GALNT5: variants seen among roughly 807,000 people sequenced by gnomAD.
GALNT5 encodes UDP-GalNAc:polypeptide N-acetylgalactosaminyltransferase 5.
In GALNT5, 72 loss-of-function variants were observed where a neutral mutation model predicts 85.4. The observed-to-expected ratio is 0.84, with a 90% CI of 0.70 to 1.03. GALNT5 has a LOEUF of 1.03. GALNT5 is among the 50% of genes least tolerant of loss of function. The pLI, the probability that GALNT5 is intolerant of heterozygous loss-of-function variation, is 0.00. For missense variants in GALNT5, 1,137 were observed against 1,135.5 expected (o/e 1.00, Z -0.02); for synonymous variants, 404 against 397.0 (o/e 1.02, Z -0.21).
chr2:157,260,758 G>C (rs949029894), intron 1 of GALNT5, among the ~76,000 whole-genome samples: 1 of 152,206 alleles, frequency 6.6e-6, no homozygotes, highest in African/African-American at 2.4e-5. Context: ...TTAGAAAGAA[G>C]AGTCTCTTCA....
In GALNT5 at chr2:157,311,214, C is replaced by T. The variant is rs1485757716; in HGVS notation, c.2689C>T (p.His897Tyr). ...AGCTCTTCTTTCTCTCCAGGTGAAT[C>T]ACATTGTTTTTGAAAACAATCAGCA... ...TSVFHPELVN[H>Y]IVFENNQQLL... is the part of the protein sequence containing the mutation. The change falls in exon 10 of 10, where the codon CAC (histidine) becomes TAC (tyrosine). Residue 897 changes from histidine (H) to tyrosine (Y), a missense_variant. Physicochemically the swap from His to Tyr is moderately conservative, Grantham distance 83. Coordinates refer to ENST00000259056, the MANE Select transcript of GALNT5 (RefSeq NM_014568.3). 1 of 1,609,132 alleles carries T rather than the reference C, an allele frequency of 6.2e-7. No individual in the cohort carries two copies. The highest frequency in any genetic ancestry group is 8.5e-7 in the Non-Finnish European group (1 of 1,176,972).
At chr2:157,300,559 T>G (rs1477307161) in intron 6 of GALNT5, 117 bp from the exon 7 acceptor site, 1 of 738,782 alleles carries the variant, frequency 1.4e-6, no homozygotes, top group Non-Finnish European at 2.3e-6. Context: ...AAAAGTGTTT[T>G]TGAAGTTGAG....
chr2:157,263,471 A>G (rs1172831221), intron 1 of GALNT5, among the ~76,000 whole-genome samples: 1 of 152,024 alleles, frequency 6.6e-6, no homozygotes. Context: ...TCTAAATTGC[A>G]ATTACTCTTA....
chr2:157,269,183 A>G (rs1393259134), intron 1 of GALNT5, among the ~76,000 whole-genome samples: 3 of 152,190 alleles, frequency 2.0e-5, no homozygotes, highest in African/African-American at 7.2e-5. Flanking sequence ...AAGAGTTTAA[A>G]ATGCTGAAAG....
chr2:157,280,729 G>A (rs971596248), intron 1 of GALNT5, among the ~76,000 whole-genome samples: 1 of 152,166 alleles, frequency 6.6e-6, no homozygotes, highest in Non-Finnish European at 1.5e-5. Context: ...TCCAATGTTG[G>A]AGGTGAGACT....
chr2:157,306,326 TC>T (rs1203077106), intron 8 of GALNT5, among the ~76,000 whole-genome samples: 2 of 152,234 alleles, frequency 1.3e-5, no homozygotes, highest in East Asian at 3.8e-4. Context: ...ATTGTCTGAT[TC>T]CATTCTTCTT....
At chr2:157,262,510 T>C (rs1682366027) in intron 1 of GALNT5, among the ~76,000 whole-genome samples, 2 of 148,268 alleles carry the variant, frequency 1.3e-5, no homozygotes, top group African/African-American at 5.3e-5. Flanking sequence ...TGGTGGTGCA[T>C]GCCTGTAGTC....
At position 157,258,372 on chromosome 2, in the gene GALNT5, G is replaced by A. The variant is rs1298432305; in HGVS notation, c.290G>A (p.Ser97Asn). 1 of 1,609,722 alleles carries A rather than the reference G, an allele frequency of 6.2e-7. No homozygotes were observed. The highest frequency in any genetic ancestry group is 8.5e-7 in the Non-Finnish European group (1 of 1,178,604). Residue 97 changes from serine to asparagine, a missense_variant, in exon 1 of 10, where the codon AGT (serine) becomes AAT (asparagine). Ser to Asn is a conservative substitution (Grantham distance 46). Transcript: ENST00000259056. ...GAGAATGTTAGAAAAACTGAGGAGAGTGTGCTCAAGGTTGAGGTGGACTTG... is the reference window on the plus strand; with the variant it reads ...GAGAATGTTAGAAAAACTGAGGAGAATGTGCTCAAGGTTGAGGTGGACTTG... Reference protein sequence around the residue: ...GKENVRKTEESVLKVEVDLDQ... With the variant: ...GKENVRKTEENVLKVEVDLDQ...
rs574961790 is a variant in GALNT5 at position 157,270,511 on chromosome 2, C to A, written c.1454+10975C>A. Reference sequence around the variant, plus strand: ...TATGAGCTATGAATATTTTCAACTTCTCATCCCATGTGCATAAATATATTT... The same window carrying A: ...TATGAGCTATGAATATTTTCAACTTATCATCCCATGTGCATAAATATATTT... On this transcript the variant is annotated intron_variant, in intron 1 of 9. Transcript: ENST00000259056. Among the ~76,000 whole-genome samples the A allele has an allele frequency of 9.8e-5, 15 of 152,292 alleles. No homozygotes were observed. In the South Asian group the frequency reaches 2.3e-3, roughly 23 times the overall value.
At chr2:157,290,112 T>TATATATATATATACACACAC (rs1416458086) in intron 3 of GALNT5, among the ~76,000 whole-genome samples, 64 of 138,188 alleles carry the variant, frequency 4.6e-4, no homozygotes, top group Admixed American at 7.6e-4. Context: ...TATATATATA[T>TATATATATATATACACACAC]ACATACACAA....
Position 157,259,380 on chromosome 2 carries a change from G to T in GALNT5, c.1298G>T (p.Arg433Met). The T allele has an allele frequency of 6.6e-7, 1 of 1,509,670 alleles. No individual in the cohort carries two copies. The highest frequency in any genetic ancestry group is 1.4e-5 in the South Asian group (1 of 71,388). The allele number at this position is 1,509,670 out of a possible 1,614,324, so 93.5% of individuals were successfully genotyped here. The change falls in exon 1 of 10, where the codon AGG becomes ATG. Residue 433 changes from arginine to methionine, a missense_variant. Coordinates refer to ENST00000259056, the MANE Select transcript of GALNT5 (RefSeq NM_014568.3). ...AGAATTGATGTGACACTTTCTCCAA[G>T]GGACCCCAAAGCTCCAGGGCAGTTT... ...VLRIDVTLSP[R>M]DPKAPGQFGR...
chr2:157,305,682 ATG>A (rs1683440870), intron 7 of GALNT5, 65 bp from the exon 8 acceptor site: 2 of 874,862 alleles, frequency 2.3e-6, no homozygotes, highest in Non-Finnish European at 3.9e-6. Context: ...TATTTTCTAA[ATG>A]TGTCTGAATG....
intron 5 of GALNT5, among the ~76,000 whole-genome samples, chr2:157,298,429 T>C (rs895008970): frequency 6.6e-5 from 10 of 152,178 alleles, no homozygotes; most frequent in Non-Finnish European, 1.3e-4. Context: ...GTCTCTGCCT[T>C]GGACTGGCCA....
Position 157,317,198 on chromosome 2 carries a change from A to ATATATATTT in GALNT5, c.*5851_*5852insATATATTTT, listed in dbSNP as rs1292694926. 4.5e-5 allele frequency among the ~76,000 whole-genome samples: 6 copies of ATATATATTT among 132,980 alleles called. No individual in the cohort carries two copies. In the East Asian group the frequency reaches 8.6e-4, roughly 19 times the overall value. 87.2% of individuals were successfully genotyped at this position (132,980 alleles called of 152,430 possible). A position where few individuals can be genotyped will look rare whatever the true frequency, so the allele number is the denominator to read the frequency against. Reference sequence around the variant, plus strand: ...TGTATATATATATATATATATATATATTTTTTTTTTTGATGCTTTGATCTG... The same window carrying ATATATATTT: ...TGTATATATATATATATATATATATATATATATTTTTTTTTTTTTTGATGCTTTGATCTG... On this transcript the variant is annotated 3_prime_UTR_variant, in exon 10 of 10. Transcript: ENST00000259056.
At chr2:157,277,751 C>G (rs1426668801) in intron 1 of GALNT5, among the ~76,000 whole-genome samples, 3 of 152,192 alleles carry the variant, frequency 2.0e-5, no homozygotes, top group Admixed American at 2.0e-4. Flanking sequence ...ATACAGCACA[C>G]TGATGCGTCT....
intron 1 of GALNT5, among the ~76,000 whole-genome samples, chr2:157,279,446 G>A (rs1682810176): frequency 1.3e-5 from 2 of 152,256 alleles, no homozygotes; most frequent in Admixed American, 1.3e-4. Flanking sequence ...AGTCTACAGA[G>A]GCAGTAGGCC....
chr2:157,269,241 G>A (rs148516337), intron 1 of GALNT5, among the ~76,000 whole-genome samples: 17 of 152,300 alleles, frequency 1.1e-4, no homozygotes, highest in African/African-American at 4.1e-4. Flanking sequence ...AAGCACACTA[G>A]TTTTGCTAGA....
Position 157,259,524 on chromosome 2 carries a change from C to T in GALNT5, c.1442C>T (p.Thr481Ile). Residue 481 changes from threonine to isoleucine, a missense_variant, in exon 1 of 10, where the codon ACC becomes ATC. Transcript: ENST00000259056. ...LIPVDRAIED[T>I]RPAGCAEQLV... ...CCAGTGGATAGAGCCATTGAAGACA[C>T]CAGACCTGCTGGGTAAGACCTATTT... The T allele has an allele frequency of 1.5e-6, 2 of 1,349,276 alleles. No homozygotes were observed. Among genetic ancestry groups the T allele is most frequent in the Non-Finnish European group, 1.9e-6 (2 of 1,041,198 alleles). The allele number at this position is 1,349,276 out of a possible 1,614,324, so 83.6% of individuals were successfully genotyped here. A position where few individuals can be genotyped will look rare whatever the true frequency, so the allele number is the denominator to read the frequency against.
intron 1 of GALNT5, among the ~76,000 whole-genome samples, chr2:157,263,269 G>A (rs1488734889): frequency 1.3e-5 from 2 of 148,222 alleles, no homozygotes; most frequent in Non-Finnish European, 2.9e-5. Context: ...TGGGCCCTTA[G>A]CATAAGAAAA....
Sources: gnomAD v4.1 joint callset for allele counts (sites outside exome capture counted in the v4.1 genomes callset) on GRCh38, gnomAD v4.1.1 for gene constraint, MANE v1.5 for transcripts, NCBI Gene and HGNC (gene_info 2026-07-23, HGNC 2026-07-21) for gene names.